Variants in EPCAM observed in about 807,000 individuals in gnomAD.
EPCAM encodes the protein adenocarcinoma-associated antigen.
A neutral mutation model predicts 40.0 loss-of-function variants in EPCAM; 39 were observed. The observed-to-expected ratio is 0.98, with a 90% CI of 0.76 to 1.27. EPCAM has a LOEUF of 1.27. Among genes scored for constraint, EPCAM ranks in the 50% most tolerant of loss-of-function variants. EPCAM has a pLI of 0.00. For missense variants in EPCAM, 503 were observed against 381.2 expected (o/e 1.32, Z -2.66); for synonymous variants, 168 against 132.3 (o/e 1.27, Z -1.85).
intron 8 of EPCAM, among the ~76,000 whole-genome samples, chr2:47,386,106 T>C (rs1671737019): frequency 6.6e-6 from 1 of 152,216 alleles, no homozygotes; most frequent in South Asian, 2.1e-4. Flanking sequence ...AAAGTGTTGG[T>C]CCCATGCTTG....
rs140589184 is a variant in EPCAM at position 47,377,869 on chromosome 2, G to A, written c.555+792G>A. 578 of 410,814 alleles carry A rather than the reference G, an allele frequency of 1.4e-3. 2 individuals carry two copies. Among genetic ancestry groups the A allele is most frequent in the African/African-American group, 0.012 (548 of 46,100 alleles). The allele number at this position is 410,814 out of a possible 1,614,324, so 25.4% of individuals were successfully genotyped here. Reference sequence around the variant, plus strand: ...TAAAAAGAAGCTTGAATAGTGTGACGGAACTCTTTAAAGGTAGTATGAATT... The same window carrying A: ...TAAAAAGAAGCTTGAATAGTGTGACAGAACTCTTTAAAGGTAGTATGAATT... On this transcript the variant is annotated intron_variant, in intron 5 of 8. Coordinates refer to ENST00000263735, the MANE Select transcript of EPCAM (RefSeq NM_002354.3).
intron 7 of EPCAM, among the ~76,000 whole-genome samples, 174 bp downstream of exon 7, chr2:47,380,143 T>A (rs1352677552): frequency 6.6e-6 from 1 of 152,008 alleles, no homozygotes; most frequent in Non-Finnish European, 1.5e-5. Context: ...TGGTGAAACC[T>A]TATCTGTAGT....
At position 47,377,448 on chromosome 2, in the gene EPCAM, G is replaced by A. The variant is rs144365199; in HGVS notation, c.555+371G>A. Among the ~76,000 whole-genome samples the A allele has an allele frequency of 5.2e-3, 795 of 152,072 alleles. 3 individuals are homozygous for A. The highest frequency in any genetic ancestry group is 0.01 in the Middle Eastern group (3 of 294). On this transcript the variant is annotated intron_variant, in intron 5 of 8. Coordinates refer to ENST00000263735, the MANE Select transcript of EPCAM (RefSeq NM_002354.3). The stretch of plus-strand genomic sequence containing the variant: ...GGCGGGGTTTTGCTATGTTGGCCAG[G>A]CTGGTCTCGAACTCCTGGCCTCAAG...
At position 47,379,366 on chromosome 2, in the gene EPCAM, T is replaced by TA. The variant is rs1039348317; in HGVS notation, c.657+318dup. Among the ~76,000 whole-genome samples the TA allele has an allele frequency of 2.0e-5, 3 of 152,198 alleles. No homozygotes were observed. In the South Asian group the frequency reaches 6.2e-4, roughly 32 times the overall value. On this transcript the variant is annotated intron_variant, in intron 6 of 8. Coordinates refer to ENST00000263735, the MANE Select transcript of EPCAM (RefSeq NM_002354.3). ...ATAATTTACACAAATAAAAGTCTGT[T>TA]AAAAAAGACTGTAACTGATATGATT...
intron 4 of EPCAM, among the ~76,000 whole-genome samples, chr2:47,375,825 C>G (rs893339096): frequency 2.0e-5 from 3 of 152,036 alleles, no homozygotes; most frequent in South Asian, 2.1e-4. Context: ...CCTGCCTCAG[C>G]CTTCCAAGTA....
chr2:47,384,353 C>T (rs1199159973), intron 7 of EPCAM, among the ~76,000 whole-genome samples: 1 of 151,652 alleles, frequency 6.6e-6, no homozygotes, highest in African/African-American at 2.4e-5. Context: ...ATCCACCCAC[C>T]TCAGCCTCTG....
chr2:47,372,126 A>G (rs568362655), intron 1 of EPCAM, among the ~76,000 whole-genome samples: 4 of 152,294 alleles, frequency 2.6e-5, no homozygotes, highest in African/African-American at 9.6e-5. Context: ...CTTATCAGGT[A>G]CTAGGATTTA....
chr2:47,379,594 T>C (rs942560883), intron 6 of EPCAM, among the ~76,000 whole-genome samples, 175 bp from the exon 7 acceptor site: 3 of 152,222 alleles, frequency 2.0e-5, no homozygotes, highest in African/African-American at 7.2e-5. Context: ...TCGTGTATGT[T>C]GAAAGGTTCC....
At chr2:47,374,533 G>T (rs999326855) in intron 3 of EPCAM, among the ~76,000 whole-genome samples, 8 of 152,180 alleles carry the variant, frequency 5.3e-5, no homozygotes, top group African/African-American at 1.9e-4. Flanking sequence ...CTAGAAACTG[G>T]AAAGGATGTC....
Position 47,373,945 on chromosome 2 carries a change from A to G in EPCAM, c.322A>G (p.Lys108Glu). Residue 108 changes from lysine (K) to glutamate (E), a missense_variant, in exon 3 of 9, where the codon AAG becomes GAG. Transcript: ENST00000263735. ...DCDESGLFKA[K>E]QCNGTSMCWC... ...CGATGAGAGCGGGCTCTTTAAGGCCAAGCAGTGCAACGGCACCTCCATGTG... is the reference window on the plus strand; with the variant it reads ...CGATGAGAGCGGGCTCTTTAAGGCCGAGCAGTGCAACGGCACCTCCATGTG... The G allele has an allele frequency of 6.2e-7, 1 of 1,614,106 alleles. No homozygotes were observed. The highest frequency in any genetic ancestry group is 8.5e-7 in the Non-Finnish European group (1 of 1,180,008).
intron 1 of EPCAM, among the ~76,000 whole-genome samples, chr2:47,372,483 GAAA>G (rs571833620): frequency 6.6e-6 from 1 of 150,618 alleles, no homozygotes; most frequent in Non-Finnish European, 1.5e-5. Context: ...ACTAAAAATA[GAAA>G]AAAAAAGCCG....
Position 47,378,299 on chromosome 2 carries a change from C to CT in EPCAM, c.556-635dup, listed in dbSNP as rs70940676. On this transcript the variant is annotated intron_variant, in intron 5 of 8. Transcript: ENST00000263735. ...TTTACCTTGCATTTCTTTTTCTTTT[C>CT]TTTTTTTTTTTTTTTTTTTGAGACG... is the stretch of plus-strand genomic sequence containing the variant. Among the ~76,000 whole-genome samples the CT allele has an allele frequency of 5.8e-3, 688 of 118,640 alleles. 5 individuals carry two copies. The highest frequency in any genetic ancestry group is 8.9e-3 in the African/African-American group (264 of 29,700). The allele number at this position is 118,640 out of a possible 152,430, so 77.8% of individuals were successfully genotyped here. A position where few individuals can be genotyped will look rare whatever the true frequency, so the allele number is the denominator to read the frequency against.
intron 5 of EPCAM, among the ~76,000 whole-genome samples, 158 bp downstream of exon 5, chr2:47,377,235 TTTTG>T (rs961794441): frequency 6.6e-6 from 1 of 152,098 alleles, no homozygotes; most frequent in Non-Finnish European, 1.5e-5. Flanking sequence ...TACTGTTTTT[TTTTG>T]TTTGTTTGTT....
At chr2:47,377,172 G>T (rs1671449503) in intron 5 of EPCAM, 95 bp downstream of exon 5, 2 of 838,190 alleles carry the variant, frequency 2.4e-6, no homozygotes, top group African/African-American at 1.7e-5. Flanking sequence ...GTGGTTAAAT[G>T]CACTTACTGG....
Position 47,369,406 on chromosome 2 carries a change from C to A in EPCAM, c.-100C>A. The A allele has an allele frequency of 8.0e-7, 1 of 1,249,918 alleles. No homozygotes were observed. The highest frequency in any genetic ancestry group is 1.0e-6 in the Non-Finnish European group (1 of 963,896). The allele number at this position is 1,249,918 out of a possible 1,614,324, so 77.4% of individuals were successfully genotyped here. A position where few individuals can be genotyped will look rare whatever the true frequency, so the allele number is the denominator to read the frequency against. Reference sequence around the variant, plus strand: ...CGACGCGGACCCGCGTGCCCCAGGCCTCGCGCTGCCCGGCCGGCTCCTCGT... The same window carrying A: ...CGACGCGGACCCGCGTGCCCCAGGCATCGCGCTGCCCGGCCGGCTCCTCGT... On this transcript the variant is annotated 5_prime_UTR_variant, in exon 1 of 9. Coordinates refer to ENST00000263735, the MANE Select transcript of EPCAM (RefSeq NM_002354.3).
intron 5 of EPCAM, chr2:47,377,872 A>C (rs550231037): frequency 1.2e-5 from 5 of 405,736 alleles, no homozygotes; most frequent in Non-Finnish European, 4.9e-6. Flanking sequence ...GTGTGACGGA[A>C]CTCTTTAAAG....
rs1671394037 is a variant in EPCAM, at chr2:47,375,290, G to A, written c.482G>A (p.Ser161Asn). 6.2e-7 allele frequency: 1 copy of A among 1,609,326 alleles called. No homozygotes were observed. Among genetic ancestry groups the A allele is most frequent in the South Asian group, 1.1e-5 (1 of 90,978 alleles). Residue 161 changes from serine (S) to asparagine (N), a missense_variant, in exon 4 of 9, where the codon AGT becomes AAT. Physicochemically the swap from Ser to Asn is conservative, Grantham distance 46. Transcript: ENST00000263735. Reference protein sequence around the residue: ...KAREKPYDSKSLRTALQKEIT... With the variant: ...KAREKPYDSKNLRTALQKEIT... The stretch of plus-strand genomic sequence containing the variant: ...AGAGAAAAACCTTATGATAGTAAAA[G>A]TTTGCGGACGTAAGTGCAATTAAAT...
At chr2:47,378,486 G>A (rs1490040989) in intron 5 of EPCAM, among the ~76,000 whole-genome samples, 1 of 151,794 alleles carries the variant, frequency 6.6e-6, no homozygotes, top group Non-Finnish European at 1.5e-5. Flanking sequence ...ATTTTTAGTA[G>A]AGATGGGGTT....
intron 1 of EPCAM, among the ~76,000 whole-genome samples, chr2:47,373,121 C>G (rs1671319751): frequency 6.8e-6 from 1 of 146,128 alleles, no homozygotes; most frequent in African/African-American, 2.5e-5. Context: ...AGGAGGATCA[C>G]TTGAGCCCTG....
Sources: allele counts gnomAD v4.1 joint callset (sites outside exome capture counted in the v4.1 genomes callset), GRCh38; gene constraint gnomAD v4.1.1; transcripts MANE v1.5; gene names NCBI Gene and HGNC (gene_info 2026-07-23, HGNC 2026-07-21).